The following NELL1 variants were observed in gnomAD, a reference collection of about 807,000 sequenced individuals.
NELL1 encodes the protein neural EGFL like 1.
Under a neutral mutation model 107.4 loss-of-function variants are expected in NELL1, and 76 were observed. The ratio of observed to expected loss-of-function variants is 0.71; its 90% CI spans 0.59 to 0.86. The LOEUF (loss-of-function observed/expected upper bound fraction) is 0.86, where lower values mean the gene tolerates loss of function less well. Ranked by LOEUF, NELL1 falls within the 40% of genes least tolerant of loss-of-function variation. The probability of loss-of-function intolerance (pLI) is 0.00; values close to 1 mark genes in which losing one functional copy is unlikely to be tolerated. For missense variants in NELL1, 1,024 were observed against 1,005.5 expected, an observed-to-expected ratio of 1.02 and a Z score of -0.25; for synonymous variants, 353 against 341.2, an observed-to-expected ratio of 1.03 and a Z score of -0.38.
intron 12 of NELL1, among the ~76,000 whole-genome samples, chr11:21,077,524 C>T (rs1443583835): frequency 6.6e-6 from 1 of 152,040 alleles, no homozygotes; most frequent in African/African-American, 2.4e-5. Flanking sequence ...AGGTGGATCA[C>T]TTGAGGTCAG....
At chr11:21,152,043 C>G (rs1856129542) in intron 13 of NELL1, among the ~76,000 whole-genome samples, 1 of 152,174 alleles carries the variant, frequency 6.6e-6, no homozygotes, top group Non-Finnish European at 1.5e-5. Context: ...AGGTGAAGTA[C>G]TAGATTTAAT....
chr11:20,994,284 T>C (rs1348643001), intron 12 of NELL1, among the ~76,000 whole-genome samples: 1 of 152,178 alleles, frequency 6.6e-6, no homozygotes, highest in Non-Finnish European at 1.5e-5. Flanking sequence ...GCACTGAGTA[T>C]TGTCATGAAA....
At chr11:21,287,119 A>G (rs1386198002) in intron 14 of NELL1, among the ~76,000 whole-genome samples, 1 of 152,232 alleles carries the variant, frequency 6.6e-6, no homozygotes, top group Admixed American at 6.5e-5. Context: ...TTAATTCATT[A>G]TAGATTTTTG....
chr11:21,409,094 G>T (rs1257622036), intron 15 of NELL1, among the ~76,000 whole-genome samples: 2 of 152,000 alleles, frequency 1.3e-5, no homozygotes, highest in African/African-American at 2.4e-5. Context: ...TATACCCAAA[G>T]GACTATAAAT....
In NELL1 at chr11:21,534,465, C is replaced by T. The variant is rs147459765; in HGVS notation, c.1737C>T (p.Ser579=). Reference sequence around the variant, plus strand: ...GGTGGTACCACTGTGAGTGCAGAAGCGGTTTCCATGACGATGGGACCTATT... The same window carrying T: ...GGTGGTACCACTGTGAGTGCAGAAGTGGTTTCCATGACGATGGGACCTATT... ...LPGWYHCECR[S]GFHDDGTYSL... The change falls in exon 16 of 20, where the codon AGC becomes AGT. Residue 579 remains serine, a synonymous_variant. Transcript: ENST00000357134. 326 of 1,613,846 alleles carry T rather than the reference C, an allele frequency of 2.0e-4. No individual in the cohort carries two copies. The highest frequency in any genetic ancestry group is 9.9e-4 in the Middle Eastern group (6 of 6,056).
chr11:20,968,104 C>T (rs1475416515), intron 12 of NELL1, among the ~76,000 whole-genome samples: 1 of 152,192 alleles, frequency 6.6e-6, no homozygotes, highest in Non-Finnish European at 1.5e-5. Flanking sequence ...ACCACGCTGG[C>T]TAAATTAGCT....
chr11:20,678,985 A>C (rs941037131), intron 2 of NELL1, among the ~76,000 whole-genome samples: 1 of 152,198 alleles, frequency 6.6e-6, no homozygotes, highest in Non-Finnish European at 1.5e-5. Context: ...TGAATAGAGG[A>C]AATAGTATAT....
At chr11:21,377,398 T>A (rs564488495) in intron 15 of NELL1, among the ~76,000 whole-genome samples, 1 of 152,228 alleles carries the variant, frequency 6.6e-6, no homozygotes, top group South Asian at 2.1e-4. Flanking sequence ...ATGAAGCTTA[T>A]CTCATCATGG....
intron 16 of NELL1, among the ~76,000 whole-genome samples, chr11:21,558,740 A>ATGAC (rs1856780774): frequency 6.6e-6 from 1 of 152,204 alleles, no homozygotes; most frequent in East Asian, 1.9e-4. Flanking sequence ...TACGTGTAAA[A>ATGAC]TGACTAATAC....
intron 12 of NELL1, among the ~76,000 whole-genome samples, chr11:21,007,501 G>A (rs896012936): frequency 2.6e-5 from 4 of 152,038 alleles, no homozygotes; most frequent in African/African-American, 9.7e-5. Flanking sequence ...CTCTCTGCAG[G>A]AACTGCTGAA....
intron 3 of NELL1, among the ~76,000 whole-genome samples, chr11:20,818,826 A>G (rs1211753097): frequency 6.6e-6 from 1 of 152,212 alleles, no homozygotes; most frequent in Non-Finnish European, 1.5e-5. Context: ...TTGGAAAATC[A>G]CAATAAATAT....
At chr11:21,161,768 G>A (rs532473932) in intron 13 of NELL1, among the ~76,000 whole-genome samples, 1 of 151,706 alleles carries the variant, frequency 6.6e-6, no homozygotes, top group African/African-American at 2.4e-5. Context: ...GAATTATTGA[G>A]ATATTATATA....
rs116289653 is a variant in NELL1, at chr11:21,500,522, C to A, written c.1646-33852C>A. Among the ~76,000 whole-genome samples, 1,064 of 152,116 alleles carry A rather than the reference C, an allele frequency of 7.0e-3. 10 individuals are homozygous for A. Among genetic ancestry groups the A allele is most frequent in the African/African-American group, 0.024 (1,000 of 41,540 alleles). The stretch of plus-strand genomic sequence containing the variant: ...TTTATGACTTTAATATTTTATTTCA[C>A]CACAATATTTATAATCAGTTTGACC... On this transcript the variant is annotated intron_variant, in intron 15 of 19. Coordinates refer to ENST00000357134, the MANE Select transcript of NELL1 (RefSeq NM_006157.5).
intron 12 of NELL1, among the ~76,000 whole-genome samples, chr11:20,982,145 A>G (rs1450007718): frequency 6.6e-6 from 1 of 152,152 alleles, no homozygotes; most frequent in Non-Finnish European, 1.5e-5. Context: ...CTTGGCCCCA[A>G]ACAACTCAGG....
intron 2 of NELL1, among the ~76,000 whole-genome samples, chr11:20,693,289 T>C (rs1249902149): frequency 6.6e-6 from 1 of 152,174 alleles, no homozygotes; most frequent in Non-Finnish European, 1.5e-5. Context: ...CATTTACATT[T>C]AAAGCTAATA....
chr11:21,434,548 A>T (rs537946112), intron 15 of NELL1, among the ~76,000 whole-genome samples: 1 of 151,786 alleles, frequency 6.6e-6, no homozygotes, highest in African/African-American at 2.4e-5. Context: ...TCATTGATCT[A>T]TTTTTCTATT....
chr11:20,954,447 A>AT (rs1329052176), intron 11 of NELL1, among the ~76,000 whole-genome samples: 4 of 151,958 alleles, frequency 2.6e-5, no homozygotes, highest in Non-Finnish European at 5.9e-5. Context: ...ACACTATGAC[A>AT]TTTTTTCCTG....
intron 12 of NELL1, among the ~76,000 whole-genome samples, chr11:20,992,507 G>A (rs1851997354): frequency 6.6e-6 from 1 of 152,088 alleles, no homozygotes; most frequent in Non-Finnish European, 1.5e-5. Flanking sequence ...TAAGAAGGTG[G>A]GTTCTAGTTC....
intron 2 of NELL1, among the ~76,000 whole-genome samples, chr11:20,742,222 G>A (rs778489965): frequency 6.6e-6 from 1 of 152,198 alleles, no homozygotes; most frequent in Non-Finnish European, 1.5e-5. Context: ...GGAATGAAGT[G>A]CTGTGGCGGA....
Sources: gnomAD v4.1 joint callset for allele counts (sites outside exome capture counted in the v4.1 genomes callset) on GRCh38, gnomAD v4.1.1 for gene constraint, MANE v1.5 for transcripts, NCBI Gene and HGNC (gene_info 2026-07-23, HGNC 2026-07-21) for gene names.